Variants in MORN5 observed in about 807,000 individuals in gnomAD.
MORN5 encodes the protein MORN repeat-containing protein 5.
A neutral mutation model predicts 22.1 loss-of-function variants in MORN5; 21 were observed. The ratio of observed to expected loss-of-function variants is 0.95; its 90% CI spans 0.67 to 1.37. MORN5 has a LOEUF of 1.37. Among genes scored for constraint, MORN5 ranks in the 40% most tolerant of loss-of-function variants. The probability of loss-of-function intolerance (pLI) is 0.00; values close to 1 mark genes in which losing one functional copy is unlikely to be tolerated. For synonymous variants in MORN5, 73 were observed against 74.0 expected, an observed-to-expected ratio of 0.99 and a Z score of 0.07; for missense variants, 211 against 215.1, an observed-to-expected ratio of 0.98 and a Z score of 0.12.
intron 4 of MORN5, among the ~76,000 whole-genome samples, chr9:122,195,017 T>C (rs1829855491): frequency 6.9e-6 from 1 of 144,558 alleles, no homozygotes; most frequent in East Asian, 2.0e-4. Flanking sequence ...AAAAACTCCA[T>C]CTCAAAAAAA....
At chr9:122,185,640 A>G (rs890150939) in intron 4 of MORN5, among the ~76,000 whole-genome samples, 7 of 151,836 alleles carry the variant, frequency 4.6e-5, no homozygotes, top group South Asian at 2.1e-4. Flanking sequence ...GATTACAGGC[A>G]TGAGCCACTG....
chr9:122,180,651 C>G (rs1829525123), intron 4 of MORN5, among the ~76,000 whole-genome samples: 1 of 152,120 alleles, frequency 6.6e-6, no homozygotes, highest in Non-Finnish European at 1.5e-5. Context: ...ATTTCACAAC[C>G]TTTTCAAAGG....
At chr9:122,164,210 G>T (rs561926813) in intron 1 of MORN5, among the ~76,000 whole-genome samples, 89 of 27,514 alleles carry the variant, frequency 3.2e-3, no homozygotes, top group African/African-American at 0.016. Flanking sequence ...AGGGAGAAAG[G>T]AAGGGAAAGA....
chr9:122,199,088 C>T (rs1829956567), intron 4 of MORN5, among the ~76,000 whole-genome samples: 1 of 152,068 alleles, frequency 6.6e-6, no homozygotes, highest in African/African-American at 2.4e-5. Flanking sequence ...AGGGGTCTTG[C>T]ACAGAGAGAT....
At chr9:122,191,578 T>C (rs1027668265) in intron 4 of MORN5, among the ~76,000 whole-genome samples, 11 of 152,170 alleles carry the variant, frequency 7.2e-5, no homozygotes, top group Non-Finnish European at 1.5e-4. Flanking sequence ...GGCAGACGCT[T>C]TGTTTCATCT....
At chr9:122,190,686 C>T (rs1829742836) in intron 4 of MORN5, among the ~76,000 whole-genome samples, 1 of 152,286 alleles carries the variant, frequency 6.6e-6, no homozygotes, top group South Asian at 2.1e-4. Context: ...GGCCCAAGGC[C>T]TTCCACCTCC....
At chr9:122,181,060 A>T (rs1326615092) in intron 4 of MORN5, among the ~76,000 whole-genome samples, 2 of 152,284 alleles carry the variant, frequency 1.3e-5, no homozygotes, top group African/African-American at 4.8e-5. Flanking sequence ...ATTTTGAATA[A>T]TAAAAACAAT....
intron 4 of MORN5, among the ~76,000 whole-genome samples, chr9:122,196,084 G>C (rs567050860): frequency 2.0e-5 from 3 of 151,722 alleles, no homozygotes; most frequent in Non-Finnish European, 2.9e-5. Flanking sequence ...TCAACCTCCC[G>C]AGTAGCTGGG....
chr9:122,172,385 T>C (rs1221126921), intron 3 of MORN5, among the ~76,000 whole-genome samples: 2 of 147,020 alleles, frequency 1.4e-5, no homozygotes, highest in African/African-American at 2.5e-5. Flanking sequence ...CTCCTGCTCA[T>C]GTCCCAGCCT....
At chr9:122,183,985 G>A (rs527570887) in intron 4 of MORN5, among the ~76,000 whole-genome samples, 1 of 152,268 alleles carries the variant, frequency 6.6e-6, no homozygotes, top group African/African-American at 2.4e-5. Context: ...GGAATAAGGG[G>A]TGTGAATTGG....
chr9:122,199,236 A>G (rs771038148), intron 4 of MORN5, among the ~76,000 whole-genome samples: 31 of 152,294 alleles, frequency 2.0e-4, no homozygotes, highest in Middle Eastern at 3.4e-3. Context: ...GTGGCTGTGG[A>G]CAAGTGCCTC....
At chr9:122,167,056 CTTT>C (rs35889616) in intron 2 of MORN5, 141 bp downstream of exon 2, 2,832 of 443,234 alleles carry the variant, frequency 6.4e-3, no homozygotes, top group Middle Eastern at 0.012. Flanking sequence ...ACTCCCCCCA[CTTT>C]TTTTTTTTTT....
chr9:122,188,199 G>A (rs961742946), intron 4 of MORN5, among the ~76,000 whole-genome samples: 7 of 152,158 alleles, frequency 4.6e-5, no homozygotes, highest in Admixed American at 6.5e-5. Flanking sequence ...GAGTAAAGAC[G>A]GGAGTTGCAG....
At chr9:122,194,315 C>G (rs1829838598) in intron 4 of MORN5, among the ~76,000 whole-genome samples, 1 of 152,140 alleles carries the variant, frequency 6.6e-6, no homozygotes. Context: ...CCCCTAAGCA[C>G]TGGGATATCA....
intron 1 of MORN5, 31 bp from the exon 2 acceptor site, chr9:122,166,737 A>AGG (rs770627614): frequency 1.2e-6 from 2 of 1,600,414 alleles, no homozygotes; most frequent in Non-Finnish European, 1.7e-6. Context: ...GCTGTCACAC[A>AGG]GGGCTCAGTG....
At chr9:122,170,927 G>C (rs1251316979) in intron 3 of MORN5, among the ~76,000 whole-genome samples, 1 of 152,048 alleles carries the variant, frequency 6.6e-6, no homozygotes, top group Non-Finnish European at 1.5e-5. Flanking sequence ...GTATACCTAT[G>C]TAACAAACCT....
chr9:122,177,062 A>T (rs1829462803), intron 4 of MORN5, among the ~76,000 whole-genome samples: 2 of 152,100 alleles, frequency 1.3e-5, no homozygotes, highest in South Asian at 4.1e-4. Context: ...CAACAGAGGG[A>T]CCCCCCAGGA....
intron 2 of MORN5, among the ~76,000 whole-genome samples, chr9:122,167,523 C>A (rs867121993): frequency 7.9e-5 from 12 of 151,922 alleles, no homozygotes; most frequent in Admixed American, 7.2e-4. Flanking sequence ...CGGCTAATTT[C>A]TCCCTGCTTC....
At chr9:122,177,222 T>C (rs532864522) in intron 4 of MORN5, among the ~76,000 whole-genome samples, 1 of 151,820 alleles carries the variant, frequency 6.6e-6, no homozygotes, top group African/African-American at 2.4e-5. Context: ...ATTCTAGGAG[T>C]GTGGAAAAAA....
Sources: allele counts gnomAD v4.1 joint callset (sites outside exome capture counted in the v4.1 genomes callset), GRCh38; gene constraint gnomAD v4.1.1; transcripts MANE v1.5; gene names NCBI Gene and HGNC (gene_info 2026-07-23, HGNC 2026-07-21).